CLUL1: variants seen among roughly 807,000 people sequenced by gnomAD.
The protein encoded by CLUL1 is clusterin-like protein 1.
CLUL1 carries 43 observed loss-of-function variants against 49.4 expected under a neutral mutation model. The ratio of observed to expected loss-of-function variants is 0.87; its 90% CI spans 0.68 to 1.12. CLUL1 has a LOEUF of 1.12. Among genes scored for constraint, CLUL1 ranks in the 50% most tolerant of loss-of-function variants. CLUL1 has a pLI of 0.00. For synonymous variants in CLUL1, 192 were observed against 184.9 expected, an observed-to-expected ratio of 1.04 and a Z score of -0.31; for missense variants, 486 against 544.4, an observed-to-expected ratio of 0.89 and a Z score of 1.07.
At position 645,115 on chromosome 18, in the gene CLUL1, T is replaced by A; in HGVS notation, c.1397+18T>A. ...AAAACCTGGTAAGCAGAGTGCCTGG[T>A]TAGGAATGCCTTGTTGACAGGAATA... is the stretch of plus-strand genomic sequence containing the variant. On this transcript the variant is annotated intron_variant, in intron 9 of 9. Transcript: ENST00000692774. The A allele has an allele frequency of 6.4e-7, 1 of 1,554,506 alleles. No individual in the cohort carries two copies.
At chr18:601,569 C>A (rs1483451539) in intron 1 of CLUL1, among the ~76,000 whole-genome samples, 1 of 151,976 alleles carries the variant, frequency 6.6e-6, no homozygotes, top group African/African-American at 2.4e-5. Context: ...ACTGCTTGAA[C>A]CAGGGAGTCG....
In CLUL1 at chr18:597,070, C is replaced by T. The variant is rs562129149; in HGVS notation, c.-195C>T. ...GACACCCTGTGCCCTCGGCTGACTT[C>T]CAGCCGGTGGCACAGACGCCTCCAG... is the stretch of plus-strand genomic sequence containing the variant. On this transcript the variant is annotated 5_prime_UTR_variant, in exon 1 of 10. Coordinates refer to ENST00000692774, the MANE Select transcript of CLUL1 (RefSeq NM_001393344.1). 1.3e-5 allele frequency: 2 copies of T among 152,888 alleles called. No homozygotes were observed. Among genetic ancestry groups the T allele is most frequent in the Admixed American group, 6.5e-5 (1 of 15,312 alleles). The allele number at this position is 152,888 out of a possible 1,614,324, so 9.5% of individuals were successfully genotyped here. A position where few individuals can be genotyped will look rare whatever the true frequency, so the allele number is the denominator to read the frequency against.
chr18:616,970 G>A (rs991546071), intron 2 of CLUL1, among the ~76,000 whole-genome samples: 4 of 152,124 alleles, frequency 2.6e-5, no homozygotes, highest in Admixed American at 6.5e-5. Context: ...GTAAATATAC[G>A]TAAAGCAGAT....
rs2074340831 is a variant in CLUL1, at chr18:641,399, A to G, written c.1067A>G (p.Gln356Arg). The change falls in exon 8 of 10, where the codon CAG (glutamine) becomes CGG (arginine). Residue 356 changes from glutamine (Q) to arginine (R), a missense_variant. Transcript: ENST00000692774. ...AGGTTGGTCAATGTATCCAATCAGC[A>G]GTATGGCCAGATTCTCCAGATGACC... is the stretch of plus-strand genomic sequence containing the variant. The part of the protein sequence containing the change: ...AIRLVNVSNQ[Q>R]YGQILQMTRK... 6.2e-7 allele frequency: 1 copy of G among 1,614,212 alleles called. No homozygotes were observed. The highest frequency in any genetic ancestry group is 8.5e-7 in the Non-Finnish European group (1 of 1,180,040).
At chr18:599,150 T>C (rs906566610) in intron 1 of CLUL1, among the ~76,000 whole-genome samples, 1 of 152,240 alleles carries the variant, frequency 6.6e-6, no homozygotes, top group African/African-American at 2.4e-5. Context: ...TGAAATTACA[T>C]AGAAGCAAAG....
At chr18:633,874 C>G (rs1034755250) in intron 7 of CLUL1, among the ~76,000 whole-genome samples, 1 of 99,906 alleles carries the variant, frequency 1.0e-5, no homozygotes, top group African/African-American at 4.2e-5. Context: ...CAGGGTGGAG[C>G]GTGTAATCGA....
At position 607,062 on chromosome 18, in the gene CLUL1, C is replaced by A. The variant is rs984095642; in HGVS notation, c.-51C>A. ...GCCTCAAATTCCTGGGTTCAAGTGA[C>A]CCTCCTACCTCAGCCCCATGAGGAC... On this transcript the variant is annotated 5_prime_UTR_variant, in exon 2 of 10. Transcript: ENST00000692774. 2.0e-5 allele frequency: 14 copies of A among 701,690 alleles called. No individual in the cohort carries two copies. The highest frequency in any genetic ancestry group is 3.6e-5 in the Non-Finnish European group (14 of 384,670). 43.5% of individuals were successfully genotyped at this position (701,690 alleles called of 1,614,324 possible).
At chr18:612,575 A>G (rs1346551030) in intron 2 of CLUL1, among the ~76,000 whole-genome samples, 2 of 152,218 alleles carry the variant, frequency 1.3e-5, no homozygotes, top group Non-Finnish European at 2.9e-5. Flanking sequence ...AAAATTGTGT[A>G]GCTGGCTCTA....
chr18:608,886 C>A (rs2073055498), intron 2 of CLUL1, among the ~76,000 whole-genome samples: 1 of 152,240 alleles, frequency 6.6e-6, no homozygotes, highest in Admixed American at 6.5e-5. Context: ...TTTACTTGAC[C>A]ATTATAATAC....
intron 1 of CLUL1, chr18:598,619 A>G (rs909533252): frequency 2.5e-6 from 1 of 398,444 alleles, no homozygotes; most frequent in African/African-American, 2.1e-5. Context: ...GGTTTGTGTC[A>G]CAACCAAAAA....
intron 7 of CLUL1, among the ~76,000 whole-genome samples, chr18:636,305 C>T (rs1354703110): frequency 6.6e-6 from 1 of 152,094 alleles, no homozygotes; most frequent in African/African-American, 2.4e-5. Context: ...TACATGTATG[C>T]ATATATGATA....
chr18:644,586 T>C (rs1360794212), intron 8 of CLUL1, among the ~76,000 whole-genome samples: 1 of 152,214 alleles, frequency 6.6e-6, no homozygotes, highest in Non-Finnish European at 1.5e-5. Flanking sequence ...TCTTTGTAGA[T>C]TGAGACAGTG....
chr18:604,904 G>T (rs557932969), intron 1 of CLUL1, among the ~76,000 whole-genome samples: 3 of 152,292 alleles, frequency 2.0e-5, no homozygotes, highest in African/African-American at 7.2e-5. Flanking sequence ...TGAATTCCTG[G>T]TGGCTCCACC....
chr18:623,268 G>A (rs1183953269), intron 4 of CLUL1, among the ~76,000 whole-genome samples: 1 of 152,166 alleles, frequency 6.6e-6, no homozygotes, highest in African/African-American at 2.4e-5. Flanking sequence ...CCTGACATCA[G>A]GTGATCCACC....
chr18:607,037 G>A lies in CLUL1; in HGVS notation c.-76G>A. On this transcript the variant is annotated 5_prime_UTR_variant, in exon 2 of 10. Transcript: ENST00000692774. ...AGTGGCATGTTCATAGCTCACTGAA[G>A]CCTCAAATTCCTGGGTTCAAGTGAC... 1 of 701,300 alleles carries A rather than the reference G, an allele frequency of 1.4e-6. No individual in the cohort carries two copies. The highest frequency in any genetic ancestry group is 2.6e-6 in the Non-Finnish European group (1 of 384,490). 43.4% of individuals were successfully genotyped at this position (701,300 alleles called of 1,614,324 possible). A position where few individuals can be genotyped will look rare whatever the true frequency, so the allele number is the denominator to read the frequency against.
chr18:618,079 A>G lies in CLUL1; in HGVS notation c.79A>G (p.Lys27Glu). 6.2e-7 allele frequency: 1 copy of G among 1,614,046 alleles called. No individual in the cohort carries two copies. The highest frequency in any genetic ancestry group is 8.5e-7 in the Non-Finnish European group (1 of 1,179,880). Residue 27 changes from lysine to glutamate, a missense_variant, in exon 3 of 10, where the codon AAA (lysine) becomes GAA (glutamate). Lys to Glu is a moderately conservative substitution (Grantham distance 56). Coordinates refer to ENST00000692774, the MANE Select transcript of CLUL1 (RefSeq NM_001393344.1). This position sits in a 1 kb window ranked among gnomAD's most constrained non-coding sequence, Gnocchi z 4.2. ...TCACTGCGCACCCACTTGGAAGGAC[A>G]AAACTGCTATCAGTGAAAACCTGAA... is the stretch of plus-strand genomic sequence containing the variant. ...DSHCAPTWKD[K>E]TAISENLKSF...
At chr18:625,813 CA>C (rs2073670502) in intron 5 of CLUL1, among the ~76,000 whole-genome samples, 1 of 152,032 alleles carries the variant, frequency 6.6e-6, no homozygotes, top group East Asian at 1.9e-4. Context: ...CCTGGCTTGG[CA>C]ATGCCGTACT....
At chr18:601,569 C>G (rs1483451539) in intron 1 of CLUL1, among the ~76,000 whole-genome samples, 2 of 151,976 alleles carry the variant, frequency 1.3e-5, no homozygotes, top group Non-Finnish European at 2.9e-5. Context: ...ACTGCTTGAA[C>G]CAGGGAGTCG....
At chr18:611,427 G>A (rs893196729) in intron 2 of CLUL1, among the ~76,000 whole-genome samples, 3 of 152,034 alleles carry the variant, frequency 2.0e-5, no homozygotes, top group African/African-American at 7.2e-5. Context: ...GCTCAGGCAT[G>A]GTGGCTCCAG....
Sources: gnomAD v4.1 joint callset for allele counts (sites outside exome capture counted in the v4.1 genomes callset) on GRCh38, gnomAD v4.1.1 for gene constraint, Gnocchi (gnomAD v3.1) non-coding constraint, MANE v1.5 for transcripts, NCBI Gene and HGNC (gene_info 2026-07-23, HGNC 2026-07-21) for gene names.